PNPLA6: variants seen among roughly 807,000 people sequenced by gnomAD.
The protein encoded by PNPLA6 is patatin like domain 6, lysophospholipase, also known as patatin-like phospholipase domain-containing protein 6.
PNPLA6 carries 105 observed loss-of-function variants against 153.7 expected under a neutral mutation model. That is an observed-to-expected ratio of 0.68 (90% confidence interval 0.58 to 0.80). The LOEUF is 0.80. Ranked by LOEUF, PNPLA6 falls within the 30% of genes least tolerant of loss-of-function variation. The pLI, the probability that PNPLA6 is intolerant of heterozygous loss-of-function variation, is 0.00. For synonymous variants in PNPLA6, 825 were observed against 822.2 expected (o/e 1.00, Z -0.06); for missense variants, 1,423 against 1,919.3 (o/e 0.74, Z 4.83).
intron 27 of PNPLA6, 116 bp from the exon 28 acceptor site, chr19:7,558,734 A>G (rs988173659): frequency 2.7e-5 from 18 of 658,304 alleles, no homozygotes; most frequent in Non-Finnish European, 4.3e-5. Context: ...ATGTGTGGGT[A>G]TTCTCTCTTT....
chr19:7,552,773 G>GAAA (rs10714939), intron 18 of PNPLA6, among the ~76,000 whole-genome samples: 2 of 123,172 alleles, frequency 1.6e-5, no homozygotes, highest in African/African-American at 2.8e-5. Context: ...AAAAAAGAAA[G>GAAA]AAAAAAAAAA....
chr19:7,551,275 C>T, intron 17 of PNPLA6, 87 bp from the exon 18 acceptor site: 4 of 1,402,204 alleles, frequency 2.9e-6, no homozygotes, highest in Non-Finnish European at 4.0e-6. Context: ...TAACGGGCAC[C>T]CAGGAGCCCC....
intron 3 of PNPLA6, among the ~76,000 whole-genome samples, chr19:7,538,276 C>T (rs1304471227): frequency 1.3e-5 from 2 of 152,100 alleles, no homozygotes; most frequent in East Asian, 3.9e-4. Context: ...ACCTCCTGGG[C>T]TCAAGAGATC....
At chr19:7,535,204 T>C, upstream of PNPLA6, 1 of 517,332 alleles carries the variant, frequency 1.9e-6, no homozygotes, top group Non-Finnish European at 3.5e-6. The surrounding 1 kb of genome is among the most constrained non-coding windows in gnomAD (Gnocchi z 5.0). Context: ...CTGCTGACAG[T>C]GGGTACCAGG....
intron 1 of PNPLA6, 65 bp from the exon 2 acceptor site, chr19:7,536,126 C>T: frequency 6.5e-7 from 1 of 1,530,200 alleles, no homozygotes; most frequent in South Asian, 1.1e-5. Context: ...GTTCGCGGTA[C>T]CCCAGCTCTG....
In PNPLA6 at chr19:7,541,774, A is replaced by T; in HGVS notation, c.1168+90A>T. 7.1e-7 allele frequency: 1 copy of T among 1,415,498 alleles called. No homozygotes were observed. The highest frequency in any genetic ancestry group is 9.6e-7 in the Non-Finnish European group (1 of 1,036,486). 87.7% of individuals were successfully genotyped at this position (1,415,498 alleles called of 1,614,324 possible). A position where few individuals can be genotyped will look rare whatever the true frequency, so the allele number is the denominator to read the frequency against. On this transcript the variant is annotated intron_variant, in intron 9 of 31. Coordinates refer to ENST00000600737, the MANE Select transcript of PNPLA6 (RefSeq NM_001166114.2). This position sits in a 1 kb window ranked among gnomAD's most constrained non-coding sequence, Gnocchi z 5.2. The stretch of plus-strand genomic sequence containing the variant: ...CCTTTTTCAGTTCTGCATAGAGTCA[A>T]CCTGACCTTGTCCAGCCCCACAGGG...
rs771160930 is a variant in PNPLA6 at position 7,536,182 on chromosome 19, T to A, written c.233-9T>A. The A allele has an allele frequency of 6.3e-7, 1 of 1,596,934 alleles. No individual in the cohort carries two copies. Among genetic ancestry groups the A allele is most frequent in the Non-Finnish European group, 8.6e-7 (1 of 1,164,484 alleles). ...AGCTCGGAGTGCCCCTGTCCCCACC[T>A]ATCCCCAGAAACCCCAGCCCCGGAT... On this transcript the variant is annotated splice_polypyrimidine_tract_variant and intron_variant, in intron 1 of 31. Coordinates refer to ENST00000600737, the MANE Select transcript of PNPLA6 (RefSeq NM_001166114.2).
upstream of PNPLA6, chr19:7,535,663 TG>T (rs2022821171): frequency 1.3e-6 from 2 of 1,543,758 alleles, no homozygotes; most frequent in Non-Finnish European, 1.7e-6. The surrounding 1 kb of genome is among the most constrained non-coding windows in gnomAD (Gnocchi z 5.0). Flanking sequence ...GCGCATTACG[TG>T]GTCTGGCGAT....
At chr19:7,556,156 A>G (rs2023872189) in intron 24 of PNPLA6, among the ~76,000 whole-genome samples, 1 of 136,550 alleles carries the variant, frequency 7.3e-6, no homozygotes, top group Admixed American at 8.7e-5. Context: ...TCCACCTCCC[A>G]GGTTCAAGTG....
chr19:7,539,881 GC>G (rs1244420631), intron 3 of PNPLA6, 36 bp from the exon 4 acceptor site: 20 of 1,404,652 alleles, frequency 1.4e-5, no homozygotes, highest in East Asian at 2.5e-5. Flanking sequence ...CCTTCTCCGT[GC>G]CCCCCTCACC....
chr19:7,558,833 C>G lies in PNPLA6; in HGVS notation c.3398-17C>G, dbSNP rs779464130. 2 of 1,595,576 alleles carry G rather than the reference C, an allele frequency of 1.3e-6. No homozygotes were observed. The highest frequency in any genetic ancestry group is 1.7e-6 in the Non-Finnish European group (2 of 1,174,632). ...GCCCCCGAGGGGAGCAGCCCGCTGACCCCCCTGGCCCCACAGCGGACATCG... is the reference window on the plus strand; with the variant it reads ...GCCCCCGAGGGGAGCAGCCCGCTGAGCCCCCTGGCCCCACAGCGGACATCG... On this transcript the variant is annotated splice_polypyrimidine_tract_variant and intron_variant, in intron 27 of 31. Transcript: ENST00000600737.
chr19:7,535,761 G>T lies in PNPLA6; in HGVS notation c.-28G>T. 1.3e-6 allele frequency: 2 copies of T among 1,521,728 alleles called. No homozygotes were observed. The highest frequency in any genetic ancestry group is 1.8e-6 in the Non-Finnish European group (2 of 1,135,154). 94.3% of individuals were successfully genotyped at this position (1,521,728 alleles called of 1,614,324 possible). A position where few individuals can be genotyped will look rare whatever the true frequency, so the allele number is the denominator to read the frequency against. On this transcript the variant is annotated 5_prime_UTR_variant, in exon 1 of 32. Coordinates refer to ENST00000600737, the MANE Select transcript of PNPLA6 (RefSeq NM_001166114.2). The surrounding 1 kb of genome is among the most constrained non-coding windows in gnomAD (Gnocchi z 5.0). The stretch of plus-strand genomic sequence containing the variant: ...CTCAGGGAAGAGTCGCGCCCCCGGG[G>T]AGGGAGCAGCACTGGCCCATTCTGC...
rs768989684 is a variant in PNPLA6, at chr19:7,542,081, G to A, written c.1252+14G>A. ...GGGACATCTCAGGTTTGGAGCACTGGGTCTGCGGGGAGGGCCATGGAGCTT... is the reference window on the plus strand; with the variant it reads ...GGGACATCTCAGGTTTGGAGCACTGAGTCTGCGGGGAGGGCCATGGAGCTT... On this transcript the variant is annotated intron_variant, in intron 10 of 31. Transcript: ENST00000600737. 1 of 1,600,216 alleles carries A rather than the reference G, an allele frequency of 6.2e-7. No homozygotes were observed. Among genetic ancestry groups the A allele is most frequent in the South Asian group, 1.1e-5 (1 of 90,978 alleles).
intron 3 of PNPLA6, among the ~76,000 whole-genome samples, chr19:7,538,212 CT>C (rs2022965321): frequency 6.6e-6 from 1 of 152,022 alleles, no homozygotes; most frequent in Non-Finnish European, 1.5e-5. Flanking sequence ...CAGGATCACA[CT>C]TTGTTGTTGA....
intron 13 of PNPLA6, among the ~76,000 whole-genome samples, chr19:7,545,085 G>A (rs968399480): frequency 7.2e-5 from 11 of 152,030 alleles, no homozygotes; most frequent in South Asian, 2.1e-4. Context: ...GGAGCGCAGC[G>A]GTGCGATCTT....
chr19:7,555,375 C>T lies in PNPLA6; in HGVS notation c.2936+8C>T, dbSNP rs1338330120. On this transcript the variant is annotated splice_region_variant and intron_variant, in intron 23 of 31. Transcript: ENST00000600737. This position sits in a 1 kb window ranked among gnomAD's most constrained non-coding sequence, Gnocchi z 6.3. ...AGGCGGGGGCGGGGCCAGGTGAGGG[C>T]GGGGCTTGCTCTCTGGGGGCGGGGC... 2.9e-6 allele frequency: 3 copies of T among 1,045,050 alleles called. No homozygotes were observed. The highest frequency in any genetic ancestry group is 2.0e-4 in the Middle Eastern group (1 of 4,888). 64.7% of individuals were successfully genotyped at this position (1,045,050 alleles called of 1,614,324 possible). A position where few individuals can be genotyped will look rare whatever the true frequency, so the allele number is the denominator to read the frequency against.
chr19:7,554,084 G>C (rs1568418955), intron 19 of PNPLA6, 69 bp downstream of exon 19: 4 of 1,603,036 alleles, frequency 2.5e-6, no homozygotes, highest in Non-Finnish European at 1.7e-6. Context: ...GAGATGTTAG[G>C]GTAGGTCATT....
Position 7,542,635 on chromosome 19 carries a change from G to A in PNPLA6, c.1327G>A (p.Glu443Lys), listed in dbSNP as rs553624764. 1 of 1,613,554 alleles carries A rather than the reference G, an allele frequency of 6.2e-7. No homozygotes were observed. Among genetic ancestry groups the A allele is most frequent in the African/African-American group, 1.3e-5 (1 of 75,070 alleles). Reference protein sequence around the residue: ...RGRISVSLQEEASGGSLAAPA... With the variant: ...RGRISVSLQEKASGGSLAAPA... ...CCGGATCTCCGTGTCCCTGCAGGAA[G>A]AGGCCTCCGGGGGGTCCCTGGCAGC... The change falls in exon 11 of 32, where the codon GAG (glutamate) becomes AAG (lysine). Residue 443 changes from glutamate to lysine, a missense_variant. Around this residue, in one of 10 missense-constraint regions of PNPLA6, gnomAD observed 267 missense variants for 255.1 expected, o/e 1.05. Transcript: ENST00000600737.
At position 7,541,515 on chromosome 19, in the gene PNPLA6, C is replaced by T. The variant is rs1283422356; in HGVS notation, c.1006-7C>T. 1.9e-6 allele frequency: 3 copies of T among 1,610,358 alleles called. No homozygotes were observed. The highest frequency in any genetic ancestry group is 1.7e-6 in the Non-Finnish European group (2 of 1,178,498). On this transcript the variant is annotated splice_region_variant and splice_polypyrimidine_tract_variant and intron_variant, in intron 8 of 31. Coordinates refer to ENST00000600737, the MANE Select transcript of PNPLA6 (RefSeq NM_001166114.2). This position sits in a 1 kb window ranked among gnomAD's most constrained non-coding sequence, Gnocchi z 5.2. ...AGGACAGGCCACAAGCTGTTCTCTG[C>T]CCCCAGGAGATCCAGCCCCTGCGTC...
Sources: gnomAD v4.1 joint callset for allele counts (sites outside exome capture counted in the v4.1 genomes callset) on GRCh38, gnomAD v4.1.1 for gene constraint, gnomAD v4.1.1 regional missense constraint, Gnocchi (gnomAD v3.1) non-coding constraint, MANE v1.5 for transcripts, NCBI Gene and HGNC (gene_info 2026-07-23, HGNC 2026-07-21) for gene names.